Variants in GDAP1 observed in about 807,000 individuals in gnomAD.
The protein encoded by GDAP1 is ganglioside induced differentiation associated protein 1.
In GDAP1, 34 loss-of-function variants were observed where a neutral mutation model predicts 40.1. That is an observed-to-expected ratio of 0.85 (90% CI 0.64 to 1.13). The LOEUF is 1.13. Among genes scored for constraint, GDAP1 ranks in the 50% most tolerant of loss-of-function variants. GDAP1 has a pLI of 0.00. For synonymous variants in GDAP1, 170 were observed against 157.4 expected (o/e 1.08, Z -0.60); for missense variants, 374 against 433.7 (o/e 0.86, Z 1.22).
intron 2 of GDAP1, among the ~76,000 whole-genome samples, chr8:74,462,346 G>C (rs1049092665): frequency 3.9e-5 from 6 of 152,124 alleles, no homozygotes; most frequent in Non-Finnish European, 8.8e-5. Flanking sequence ...AGAGCTATTC[G>C]CATTAATTTA....
chr8:74,487,770 A>G (rs976676252), intron 2 of GDAP1, among the ~76,000 whole-genome samples: 2 of 152,126 alleles, frequency 1.3e-5, no homozygotes, highest in Admixed American at 6.6e-5. Context: ...TAATCTTAGG[A>G]TCTAAGAATC....
intron 2 of GDAP1, among the ~76,000 whole-genome samples, chr8:74,460,609 T>G (rs1051511936): frequency 6.6e-6 from 1 of 152,142 alleles, no homozygotes. Context: ...GAACAGAAAC[T>G]GGCCTGCAGG....
chr8:74,447,708 C>T (rs575817196), intron 2 of GDAP1, among the ~76,000 whole-genome samples: 5 of 152,280 alleles, frequency 3.3e-5, no homozygotes, highest in East Asian at 1.9e-4. Flanking sequence ...AAGTTCCCTA[C>T]GATGCCCCAC....
At chr8:74,405,327 G>A (rs763432674) in intron 2 of GDAP1, among the ~76,000 whole-genome samples, 6 of 150,232 alleles carry the variant, frequency 4.0e-5, no homozygotes, top group Non-Finnish European at 8.8e-5. Flanking sequence ...GGTGAGATTT[G>A]GGTGGGGACA....
intron 2 of GDAP1, among the ~76,000 whole-genome samples, chr8:74,422,532 C>CTTCCTTCCTTCCTTCT (rs1487622560): frequency 8.8e-6 from 1 of 113,186 alleles, no homozygotes; most frequent in Admixed American, 1.1e-4. Context: ...TCCTTCCTTC[C>CTTCCTTCCTTCCTTCT]TTCTTTCTTT....
intron 2 of GDAP1, among the ~76,000 whole-genome samples, chr8:74,478,533 C>T (rs1253689822): frequency 4.6e-5 from 7 of 152,084 alleles, no homozygotes; most frequent in Admixed American, 4.6e-4. Context: ...CAAGCTGGGG[C>T]CCCAGGAGAT....
At chr8:74,440,172 ATTTGCTTCTTGTAGGCACTGCAGAGT>A (rs1806145794) in intron 2 of GDAP1, among the ~76,000 whole-genome samples, 1 of 152,156 alleles carries the variant, frequency 6.6e-6, no homozygotes, top group Non-Finnish European at 1.5e-5. Context: ...GAAATTTTGC[ATTTGCTTCTTGTAGGCACTGCAGAGT>A]TAGCATGAGT....
intron 2 of GDAP1, 79 bp downstream of exon 2, chr8:74,351,545 CCTCT>C (rs1217796532): frequency 1.2e-5 from 12 of 1,039,378 alleles, no homozygotes; most frequent in African/African-American, 7.8e-5. Context: ...TTCTCTCTCT[CCTCT>C]CTCTCTTTCT....
intron 2 of GDAP1, among the ~76,000 whole-genome samples, chr8:74,473,359 A>G (rs137973268): frequency 0.015 from 2,356 of 152,260 alleles, 18 homozygotes; most frequent in Non-Finnish European, 0.026. Flanking sequence ...CTTCATTATG[A>G]AATCTCTGTC....
At chr8:74,444,026 C>CT (rs59832527) in intron 2 of GDAP1, among the ~76,000 whole-genome samples, 84 of 86,858 alleles carry the variant, frequency 9.7e-4, no homozygotes, top group African/African-American at 1.7e-3. Flanking sequence ...ATCTATCTAT[C>CT]ATCTATCATC....
chr8:74,422,338 T>C lies in GDAP1; in HGVS notation c.166-66340T>C, dbSNP rs865942447. 9.2e-3 allele frequency among the ~76,000 whole-genome samples: 541 copies of C among 58,702 alleles called. 2 individuals carry two copies. Among genetic ancestry groups the C allele is most frequent in the African/African-American group, 0.043 (498 of 11,666 alleles). The allele number at this position is 58,702 out of a possible 152,430, so 38.5% of individuals were successfully genotyped here. ...CTTTCTTTCTTTCTTTCTTTCTTTCTTTCTTTCTTTCTTCCCTTCCTTCCT... is the reference window on the plus strand; with the variant it reads ...CTTTCTTTCTTTCTTTCTTTCTTTCCTTCTTTCTTTCTTCCCTTCCTTCCT... On this transcript the variant is annotated intron_variant, in intron 2 of 2. Coordinates refer to the GDAP1 transcript ENST00000523640.
chr8:74,435,204 T>C (rs1294795305), intron 2 of GDAP1, among the ~76,000 whole-genome samples: 2 of 152,170 alleles, frequency 1.3e-5, no homozygotes, highest in African/African-American at 2.4e-5. Context: ...TACTGAGAGA[T>C]AGTAAGTAAT....
intron 2 of GDAP1, among the ~76,000 whole-genome samples, chr8:74,414,803 T>C (rs778165356): frequency 3.3e-5 from 5 of 149,722 alleles, no homozygotes; most frequent in Non-Finnish European, 7.4e-5. Context: ...CCAAATTTAG[T>C]GAAACACAAA....
intron 2 of GDAP1, among the ~76,000 whole-genome samples, chr8:74,354,450 A>G (rs975240322): frequency 5.0e-4 from 76 of 152,346 alleles, no homozygotes; most frequent in African/African-American, 1.8e-3. Flanking sequence ...TTGAATAGAC[A>G]TGGAAGAAAT....
At chr8:74,385,130 C>T (rs893361906) in intron 2 of GDAP1, among the ~76,000 whole-genome samples, 2 of 152,002 alleles carry the variant, frequency 1.3e-5, no homozygotes, top group African/African-American at 4.8e-5. Flanking sequence ...TATTACCAAA[C>T]CCAAGTCGCT....
intron 2 of GDAP1, among the ~76,000 whole-genome samples, chr8:74,382,376 G>GTT (rs5892456): frequency 0.027 from 3,902 of 141,910 alleles, 88 homozygotes; most frequent in African/African-American, 0.053. Context: ...ATTGCTAGTG[G>GTT]TTTTTTTTTT....
At chr8:74,419,289 C>G (rs1264511938) in intron 2 of GDAP1, among the ~76,000 whole-genome samples, 4 of 152,166 alleles carry the variant, frequency 2.6e-5, no homozygotes, top group Non-Finnish European at 5.9e-5. Flanking sequence ...TGTCTTCCAA[C>G]AAGTGAATGA....
intron 2 of GDAP1, among the ~76,000 whole-genome samples, chr8:74,480,433 G>A (rs1282659312): frequency 1.3e-5 from 2 of 152,174 alleles, no homozygotes; most frequent in African/African-American, 4.8e-5. Flanking sequence ...TTCAGGAAAT[G>A]GATACTAAAG....
In GDAP1 at chr8:74,350,538, T is replaced by G. The variant is rs765075797; in HGVS notation, c.77T>G (p.Leu26Arg). ...GGCAAGGCCGACGCGGAGGTTAAGC[T>G]CATTCTGTACCATTGGACGCATTCC... ...AEGKADAEVKLILYHWTHSFS... is the reference protein window; with the variant it reads ...AEGKADAEVKRILYHWTHSFS... Residue 26 changes from leucine to arginine, a missense_variant, in exon 1 of 6, where the codon CTC becomes CGC. Physicochemically the swap from Leu to Arg is moderately radical, Grantham distance 102. Coordinates refer to ENST00000220822, the MANE Select transcript of GDAP1 (RefSeq NM_018972.4). 6.2e-7 allele frequency: 1 copy of G among 1,612,606 alleles called. No individual in the cohort carries two copies. Among genetic ancestry groups the G allele is most frequent in the East Asian group, 2.2e-5 (1 of 44,866 alleles).
Sources: gnomAD v4.1 joint callset for allele counts (sites outside exome capture counted in the v4.1 genomes callset) on GRCh38, gnomAD v4.1.1 for gene constraint, MANE v1.5 for transcripts, NCBI Gene and HGNC (gene_info 2026-07-23, HGNC 2026-07-21) for gene names.